Variants in MYLK observed in about 807,000 individuals in gnomAD.
MYLK encodes the protein myosin light chain kinase, smooth muscle.
In MYLK, 106 loss-of-function variants were observed where a neutral mutation model predicts 203.4. That is an observed-to-expected ratio of 0.52 (90% confidence interval 0.45 to 0.61). The LOEUF (loss-of-function observed/expected upper bound fraction) is 0.61, where lower values mean the gene tolerates loss of function less well. Ranked by LOEUF, MYLK falls within the 20% of genes least tolerant of loss-of-function variation. The pLI, the probability that MYLK is intolerant of heterozygous loss-of-function variation, is 0.00. For synonymous variants in MYLK, 867 were observed against 959.5 expected (o/e 0.90, Z 1.78); for missense variants, 2,072 against 2,442.3 (o/e 0.85, Z 3.20).
Position 123,863,320 on chromosome 3 carries a change from T to G in MYLK, c.-127+13239A>C, listed in dbSNP as rs191707109. On this transcript the variant is annotated intron_variant, in intron 2 of 33. Transcript: ENST00000360304. ...AAAATGGTGATTATCTTGGTAATTT[T>G]GGGGGTGGTAAAAGTTTCTTTGGAC... Among the ~76,000 whole-genome samples the G allele has an allele frequency of 4.2e-3, 507 of 120,710 alleles. 2 individuals carry two copies. Among genetic ancestry groups the G allele is most frequent in the African/African-American group, 0.013 (394 of 30,268 alleles). The allele number at this position is 120,710 out of a possible 152,430, so 79.2% of individuals were successfully genotyped here. A position where few individuals can be genotyped will look rare whatever the true frequency, so the allele number is the denominator to read the frequency against.
chr3:123,843,853 A>G (rs1046272852), intron 2 of MYLK, among the ~76,000 whole-genome samples: 1 of 152,180 alleles, frequency 6.6e-6, no homozygotes, highest in African/African-American at 2.4e-5. Flanking sequence ...CTGTTTGAGC[A>G]CTGTCACTAT....
At position 123,701,446 on chromosome 3, in the gene MYLK, G is replaced by A; in HGVS notation, c.2454C>T (p.Ala818=). 1.2e-6 allele frequency: 2 copies of A among 1,614,056 alleles called. No homozygotes were observed. Among genetic ancestry groups the A allele is most frequent in the South Asian group, 1.1e-5 (1 of 91,082 alleles). ...SLMLQNSSAR[A]LPRGREPASC... ...CTCCTGGGGGCACTCACCGTGGAAG[G>A]GCTCTGGCAGAGCTGTTCTGTAGCA... The change falls in exon 17 of 34, where the codon GCC becomes GCT. Residue 818 remains alanine, a synonymous_variant. Coordinates refer to ENST00000360304, the MANE Select transcript of MYLK (RefSeq NM_053025.4).
At chr3:123,765,819 G>A (rs778901359) in intron 4 of MYLK, among the ~76,000 whole-genome samples, 13 of 152,086 alleles carry the variant, frequency 8.5e-5, no homozygotes, top group South Asian at 2.1e-4. Flanking sequence ...AAAGTAAGAC[G>A]GTCACAAATA....
chr3:123,856,279 T>C (rs1359567742), intron 2 of MYLK, among the ~76,000 whole-genome samples: 1 of 152,180 alleles, frequency 6.6e-6, no homozygotes, highest in Non-Finnish European at 1.5e-5. Context: ...AACATTTTCC[T>C]CTGTAACACA....
At chr3:123,678,385 C>T (rs900657500) in intron 20 of MYLK, among the ~76,000 whole-genome samples, 1 of 152,096 alleles carries the variant, frequency 6.6e-6, no homozygotes, top group African/African-American at 2.4e-5. Context: ...GCTGCTCCCA[C>T]CTCCCTCCTG....
chr3:123,711,182 A>C (rs1460951390), intron 13 of MYLK, among the ~76,000 whole-genome samples: 1 of 152,172 alleles, frequency 6.6e-6, no homozygotes, highest in Admixed American at 6.5e-5. Flanking sequence ...AGTGACAGAA[A>C]GCAGGTCAGT....
intron 16 of MYLK, among the ~76,000 whole-genome samples, chr3:123,703,747 T>G (rs1294114561): frequency 6.6e-6 from 1 of 152,212 alleles, no homozygotes; most frequent in African/African-American, 2.4e-5. Context: ...TTTCCTACCT[T>G]TAAGCACAGC....
chr3:123,857,408 C>A (rs2031496087), intron 2 of MYLK, among the ~76,000 whole-genome samples: 1 of 151,758 alleles, frequency 6.6e-6, no homozygotes, highest in African/African-American at 2.4e-5. Flanking sequence ...AAATGTCCAA[C>A]AATGATAGAC....
chr3:123,878,176 G>A (rs1000995595), intron 1 of MYLK, among the ~76,000 whole-genome samples: 1 of 152,154 alleles, frequency 6.6e-6, no homozygotes, highest in Non-Finnish European at 1.5e-5. Flanking sequence ...TGCCTAGCAG[G>A]ACACTACCCT....
At chr3:123,835,429 G>C (rs181662078) in intron 2 of MYLK, among the ~76,000 whole-genome samples, 42 of 152,282 alleles carry the variant, frequency 2.8e-4, no homozygotes, top group African/African-American at 7.5e-4. Flanking sequence ...AACTGATCAG[G>C]GGTGGAAGAC....
rs1305595481 is a variant in MYLK at position 123,700,034 on chromosome 3, A to T, written c.3434T>A (p.Ile1145Asn). 4 of 1,613,994 alleles carry T rather than the reference A, an allele frequency of 2.5e-6. No individual in the cohort carries two copies. Among genetic ancestry groups the T allele is most frequent in the Non-Finnish European group, 3.4e-6 (4 of 1,179,992 alleles). Residue 1145 changes from isoleucine to asparagine, a missense_variant, in exon 18 of 34, where the codon ATC becomes AAC. By Grantham distance (149) the Ile-to-Asn change is moderately radical. Coordinates refer to ENST00000360304, the MANE Select transcript of MYLK (RefSeq NM_053025.4). The part of the protein sequence containing the change: ...GKTLKTTKFI[I>N]LSQEGSLCSV... Reference sequence around the variant, plus strand: ...TGCTCATTTACCTTCCTGGGAGAGGATGATGAACTTGGTGGTCTTGAGGGT... The same window carrying T: ...TGCTCATTTACCTTCCTGGGAGAGGTTGATGAACTTGGTGGTCTTGAGGGT...
At chr3:123,810,064 G>A (rs1577040918) in intron 3 of MYLK, among the ~76,000 whole-genome samples, 1 of 152,154 alleles carries the variant, frequency 6.6e-6, no homozygotes, top group Non-Finnish European at 1.5e-5. Flanking sequence ...AGCAGAGCAG[G>A]AAGAACTAGG....
At chr3:123,844,609 T>G (rs1920211) in intron 2 of MYLK, among the ~76,000 whole-genome samples, 127,965 of 152,000 alleles carry the variant, frequency 0.84, 54,082 homozygotes, top group East Asian at 0.96. Context: ...GACCACTCCA[T>G]CGGGTTGTGA....
At chr3:123,854,420 T>C (rs1389152368) in intron 2 of MYLK, among the ~76,000 whole-genome samples, 2 of 152,138 alleles carry the variant, frequency 1.3e-5, no homozygotes, top group Non-Finnish European at 2.9e-5. Context: ...GTCTTCATTT[T>C]AATCATGTTT....
Position 123,682,244 on chromosome 3 carries a change from G to T in MYLK, c.3632C>A (p.Pro1211His). 1 of 1,602,708 alleles carries T rather than the reference G, an allele frequency of 6.2e-7. No homozygotes were observed. The highest frequency in any genetic ancestry group is 8.5e-7 in the Non-Finnish European group (1 of 1,174,882). Residue 1211 changes from proline (P) to histidine (H), a missense_variant, in exon 20 of 34, where the codon CCT becomes CAT. By Grantham distance (77) the Pro-to-His change is moderately conservative (BLOSUM62 -2). Around this residue, in one of 3 missense-constraint regions of MYLK, gnomAD observed 865 missense variants for 1,016.0 expected, o/e 0.85. Transcript: ENST00000360304. Reference protein sequence around the residue: ...MKSRRPKSSLPPVLGTESDAT... With the variant: ...MKSRRPKSSLHPVLGTESDAT... ...CTCACTCTCAGTTCCTAGCACGGGA[G>T]GAAGAGAGCTCTTGGGCCTCCGGGA...
intron 24 of MYLK, among the ~76,000 whole-genome samples, chr3:123,650,231 G>T (rs1256007020): frequency 6.6e-6 from 1 of 152,208 alleles, no homozygotes; most frequent in Admixed American, 6.5e-5. Flanking sequence ...GGTTGCACCT[G>T]ATGTCTCTGG....
chr3:123,682,802 A>G (rs1394583423), intron 19 of MYLK, among the ~76,000 whole-genome samples: 2 of 152,108 alleles, frequency 1.3e-5, no homozygotes, highest in African/African-American at 4.8e-5. Context: ...CAAACTTTGC[A>G]GTGACAAACC....
At chr3:123,707,654 A>C (rs1169689915) in intron 16 of MYLK, 100 bp downstream of exon 16, 1 of 1,587,816 alleles carries the variant, frequency 6.3e-7, no homozygotes, top group East Asian at 2.2e-5. Flanking sequence ...TCCAAGCCCC[A>C]CATCAGTTTG....
At position 123,708,801 on chromosome 3, in the gene MYLK, G is replaced by C. The variant is rs1173937190; in HGVS notation, c.2037C>G (p.Ser679Arg). 3 of 1,614,034 alleles carry C rather than the reference G, an allele frequency of 1.9e-6. No homozygotes were observed. The African/African-American group carries it at 4.0e-5, about 22-fold the overall frequency. ...CCGGGAACACTTCCTGGATACAAAG[G>C]CTGTGCTGAGTTCCTCTCTGTTCAA... ...FHFEQRGTQH[S>R]LCIQEVFPED... is the part of the protein sequence containing the mutation. The change falls in exon 15 of 34, where the codon AGC (serine) becomes AGG (arginine). Residue 679 changes from serine (S) to arginine (R), a missense_variant. Coordinates refer to ENST00000360304, the MANE Select transcript of MYLK (RefSeq NM_053025.4).
Sources: allele counts gnomAD v4.1 joint callset (sites outside exome capture counted in the v4.1 genomes callset), GRCh38; gene constraint gnomAD v4.1.1; regional missense constraint gnomAD v4.1.1; transcripts MANE v1.5; gene names NCBI Gene and HGNC (gene_info 2026-07-23, HGNC 2026-07-21).